The following SORBS2 variants were observed in gnomAD, a reference collection of about 807,000 sequenced individuals.
The protein encoded by SORBS2 is sorbin and SH3 domain containing 2, also known as sorbin and SH3 domain-containing protein 2.
A neutral mutation model predicts 97.7 loss-of-function variants in SORBS2; 46 were observed. That is an observed-to-expected ratio of 0.47 (90% CI 0.37 to 0.60). The LOEUF is 0.60. Ranked by LOEUF, SORBS2 falls within the 20% of genes least tolerant of loss-of-function variation. SORBS2 has a pLI of 0.00. For synonymous variants in SORBS2, 476 were observed against 473.4 expected (o/e 1.01, Z -0.07); for missense variants, 1,316 against 1,282.3 (o/e 1.03, Z -0.40).
intron 12 of SORBS2, among the ~76,000 whole-genome samples, chr4:185,599,479 G>C (rs2096202922): frequency 6.6e-6 from 1 of 152,126 alleles, no homozygotes; most frequent in Non-Finnish European, 1.5e-5. Flanking sequence ...AGCAGTATGG[G>C]GACAAAAGGC....
chr4:185,834,653 A>G (rs1426601541), intron 1 of SORBS2, among the ~76,000 whole-genome samples: 2 of 152,206 alleles, frequency 1.3e-5, no homozygotes, highest in Non-Finnish European at 2.9e-5. Context: ...AAATATTTCT[A>G]TTTAAAATAA....
At chr4:185,624,151 C>G (rs749147048) in exon 7 of SORBS2, 1 of 1,614,224 alleles carries the variant, frequency 6.2e-7, no homozygotes, top group Admixed American at 1.7e-5. Context: ...AGGGGGACCC[C>G]CACGCCATGG....
At chr4:185,667,412 A>C (rs2097628817) in intron 4 of SORBS2, among the ~76,000 whole-genome samples, 1 of 152,100 alleles carries the variant, frequency 6.6e-6, no homozygotes, top group Non-Finnish European at 1.5e-5. Context: ...TTTTACTTGA[A>C]TACTTTTAAA....
intron 12 of SORBS2, among the ~76,000 whole-genome samples, chr4:185,596,828 C>T (rs374663878): frequency 7.2e-5 from 11 of 152,190 alleles, no homozygotes; most frequent in East Asian, 5.8e-4. Flanking sequence ...TCACTGCGCC[C>T]GGCCCCCGTC....
chr4:185,618,489 C>T (rs1409293523), intron 9 of SORBS2, 96 bp downstream of exon 21: 11 of 590,940 alleles, frequency 1.9e-5, no homozygotes, highest in Non-Finnish European at 3.2e-5. Context: ...AATTAGACCT[C>T]ATTTGTAACA....
chr4:185,699,832 G>A (rs2098233956), intron 2 of SORBS2, among the ~76,000 whole-genome samples: 2 of 152,110 alleles, frequency 1.3e-5, no homozygotes, highest in African/African-American at 4.8e-5. Context: ...ATTCAGAAAT[G>A]TATTATTAAT....
Position 185,954,311 on chromosome 4 carries a change from A to C in SORBS2, c.-338+1885T>G, listed in dbSNP as rs2099278595. ...AATAAGTAAGACAATAATCTCACAT[A>C]CATTTAAAAAATCTTATTTTTATCT... On this transcript the variant is annotated intron_variant, in intron 1 of 20. Transcript: ENST00000284776. Among the ~76,000 whole-genome samples the C allele has an allele frequency of 2.6e-5, 4 of 152,246 alleles. No homozygotes were observed. The South Asian group carries it at 8.3e-4, about 32-fold the overall frequency.
chr4:185,773,060 A>AAC (rs1553989376), intron 2 of SORBS2: 9 of 151,460 alleles, frequency 5.9e-5, no homozygotes, highest in South Asian at 2.1e-4. Context: ...GAAAGAAAAA[A>AAC]AAAACAAAAC....
intron 2 of SORBS2, among the ~76,000 whole-genome samples, chr4:185,732,736 A>G (rs562947647): frequency 3.3e-5 from 5 of 152,224 alleles, no homozygotes; most frequent in Non-Finnish European, 7.3e-5. Flanking sequence ...GGTGTTCCCC[A>G]AAAAGGTATG....
At chr4:185,647,412 C>CTTTT (rs376002220) in intron 3 of SORBS2, among the ~76,000 whole-genome samples, 1 of 131,684 alleles carries the variant, frequency 7.6e-6, no homozygotes, top group Non-Finnish European at 1.6e-5. Context: ...AAGAAGGCTT[C>CTTTT]TTTTTTTTTT....
rs531843826 is a variant in SORBS2 at position 185,628,945 on chromosome 4, A to G, written c.446+1604T>C. ...CCACATATGGCACAGCACACTGTGCATGAAATCACTGGATTCTTAGACAAG... is the reference window on the plus strand; with the variant it reads ...CCACATATGGCACAGCACACTGTGCGTGAAATCACTGGATTCTTAGACAAG... On this transcript the variant is annotated intron_variant, in intron 5 of 14. Transcript: ENST00000418609. Among the ~76,000 whole-genome samples, 3 of 152,364 alleles carry G rather than the reference A, an allele frequency of 2.0e-5. No individual in the cohort carries two copies. In the South Asian group the frequency reaches 6.2e-4, roughly 32 times the overall value.
intron 2 of SORBS2, among the ~76,000 whole-genome samples, chr4:185,736,966 G>A (rs2098691698): frequency 6.6e-6 from 1 of 152,156 alleles, no homozygotes; most frequent in African/African-American, 2.4e-5. Context: ...TCTCCTTCGA[G>A]TTGGCATGCC....
chr4:185,693,229 A>G (rs1408143406), intron 2 of SORBS2, among the ~76,000 whole-genome samples: 1 of 152,212 alleles, frequency 6.6e-6, no homozygotes, highest in Non-Finnish European at 1.5e-5. Context: ...CTAAACAGGC[A>G]CATTTCTGTT....
At chr4:185,647,345 G>C (rs2097225656) in intron 3 of SORBS2, among the ~76,000 whole-genome samples, 2 of 151,098 alleles carry the variant, frequency 1.3e-5, no homozygotes. Flanking sequence ...ACTTACGAAG[G>C]AAAGCTTCAA....
intron 4 of SORBS2, among the ~76,000 whole-genome samples, chr4:185,670,533 A>G (rs193097051): frequency 6.6e-6 from 1 of 152,228 alleles, no homozygotes; most frequent in African/African-American, 2.4e-5. Context: ...ATGTCAAGCA[A>G]AGAAATCTGA....
At chr4:185,903,735 C>T (rs1331971687) in intron 1 of SORBS2, among the ~76,000 whole-genome samples, 1 of 152,116 alleles carries the variant, frequency 6.6e-6, no homozygotes, top group Non-Finnish European at 1.5e-5. Context: ...CTGTAAGGAC[C>T]CTGTGATGAT....
intron 2 of SORBS2, among the ~76,000 whole-genome samples, chr4:185,698,241 C>T (rs781379210): frequency 2.0e-5 from 3 of 152,066 alleles, no homozygotes; most frequent in Admixed American, 6.6e-5. Flanking sequence ...TTTGGGAGGC[C>T]GAGGCAGGAG....
At position 185,697,845 on chromosome 4, in the gene SORBS2, C is replaced by T. The variant is rs112075596; in HGVS notation, c.-197-19023G>A. 9.3e-3 allele frequency among the ~76,000 whole-genome samples: 1,418 copies of T among 152,210 alleles called. 24 individuals carry two copies. Among genetic ancestry groups the T allele is most frequent in the African/African-American group, 0.033 (1,359 of 41,540 alleles). On this transcript the variant is annotated intron_variant, in intron 2 of 20. Transcript: ENST00000284776. Reference sequence around the variant, plus strand: ...GAAAAGCCTTGATCTTTTTAAAGAACCATTTTTTAAAATTTTATGCTTTGC... The same window carrying T: ...GAAAAGCCTTGATCTTTTTAAAGAATCATTTTTTAAAATTTTATGCTTTGC...
At chr4:185,761,455 G>A (rs1560851014) in intron 2 of SORBS2, 1 of 152,212 alleles carries the variant, frequency 6.6e-6, no homozygotes, top group Admixed American at 6.5e-5. Context: ...AAGGCACAAA[G>A]GCCATCACAT....
Sources: gnomAD v4.1 joint callset for allele counts (sites outside exome capture counted in the v4.1 genomes callset) on GRCh38, gnomAD v4.1.1 for gene constraint, MANE v1.5 for transcripts, NCBI Gene and HGNC (gene_info 2026-07-23, HGNC 2026-07-21) for gene names.